MOCOS: variants seen among roughly 807,000 people sequenced by gnomAD.
MOCOS encodes the protein molybdenum cofactor sulfurase.
A neutral mutation model predicts 83.6 loss-of-function variants in MOCOS; 86 were observed. The ratio of observed to expected loss-of-function variants is 1.03; its 90% CI spans 0.86 to 1.23. The LOEUF is 1.23. Ranked by LOEUF, MOCOS falls within the 50% of genes most tolerant of loss-of-function variation. MOCOS has a pLI of 0.00. For synonymous variants in MOCOS, 445 were observed against 434.7 expected (o/e 1.02, Z -0.29); for missense variants, 1,120 against 1,126.9 (o/e 0.99, Z 0.09).
chr18:36,254,458 CTGTGTGTG>C (rs60813321), intron 11 of MOCOS, among the ~76,000 whole-genome samples: 4,356 of 138,942 alleles, frequency 0.031, 137 homozygotes, highest in East Asian at 0.11. Context: ...TACATTATCT[CTGTGTGTG>C]TGTGTGTGTG....
chr18:36,250,602 A>G (rs2091618342), intron 10 of MOCOS, among the ~76,000 whole-genome samples: 1 of 152,218 alleles, frequency 6.6e-6, no homozygotes, highest in Non-Finnish European at 1.5e-5. Flanking sequence ...AATGTCACCA[A>G]CTTACACATT....
At chr18:36,243,426 G>A (rs1378670182) in intron 9 of MOCOS, among the ~76,000 whole-genome samples, 2 of 152,112 alleles carry the variant, frequency 1.3e-5, no homozygotes, top group Non-Finnish European at 2.9e-5. Context: ...ATTGACTTGT[G>A]TAAGTTAAAC....
At chr18:36,224,919 A>G (rs1007824456) in intron 9 of MOCOS, among the ~76,000 whole-genome samples, 1 of 152,144 alleles carries the variant, frequency 6.6e-6, no homozygotes, top group African/African-American at 2.4e-5. Context: ...GTTTTTGATT[A>G]CTGATTCAAT....
intron 8 of MOCOS, 121 bp downstream of exon 8, chr18:36,216,098 A>G: frequency 9.3e-7 from 1 of 1,070,084 alleles, no homozygotes; most frequent in Non-Finnish European, 1.3e-6. Flanking sequence ...TGGTGAGAAA[A>G]GCCATTCTCA....
intron 9 of MOCOS, among the ~76,000 whole-genome samples, chr18:36,232,129 A>G (rs1171821955): frequency 6.6e-6 from 1 of 152,080 alleles, no homozygotes; most frequent in African/African-American, 2.4e-5. Context: ...ATGTGCCACC[A>G]CATCCAGCTA....
chr18:36,255,045 C>T (rs1265391991), intron 11 of MOCOS, among the ~76,000 whole-genome samples: 4 of 151,998 alleles, frequency 2.6e-5, no homozygotes, highest in Non-Finnish European at 4.4e-5. Flanking sequence ...TCGTAGTACA[C>T]AGTTGATCAA....
chr18:36,201,384 T>C (rs1327122461), intron 4 of MOCOS, among the ~76,000 whole-genome samples: 3 of 151,894 alleles, frequency 2.0e-5, no homozygotes, highest in Non-Finnish European at 4.4e-5. Context: ...TAATATTGGG[T>C]CGGGTGTGGT....
intron 9 of MOCOS, among the ~76,000 whole-genome samples, chr18:36,224,402 T>G (rs2091507875): frequency 1.3e-5 from 2 of 152,222 alleles, no homozygotes. Context: ...TTTTTCATCA[T>G]GGAGTATAAT....
chr18:36,197,388 G>A (rs905579597), intron 2 of MOCOS, among the ~76,000 whole-genome samples: 12 of 152,066 alleles, frequency 7.9e-5, no homozygotes, highest in Admixed American at 7.9e-4. Flanking sequence ...GCCTGCTTCT[G>A]AGCTGACTTC....
rs989639014 is a variant in MOCOS, at chr18:36,269,500, T to G, written c.*815T>G. The G allele has an allele frequency of 6.6e-6, 1 of 152,310 alleles. No individual in the cohort carries two copies. The allele number at this position is 152,310 out of a possible 1,614,324, so 9.4% of individuals were successfully genotyped here. On this transcript the variant is annotated 3_prime_UTR_variant, in exon 15 of 15. Coordinates refer to ENST00000261326, the MANE Select transcript of MOCOS (RefSeq NM_017947.4). Reference sequence around the variant, plus strand: ...TCCTGTCTGTATCATCTTTGACCACTGCTCCTGCAGCCTCCAGATGAAAAT... The same window carrying G: ...TCCTGTCTGTATCATCTTTGACCACGGCTCCTGCAGCCTCCAGATGAAAAT...
At chr18:36,240,427 G>C (rs2091577002) in intron 9 of MOCOS, among the ~76,000 whole-genome samples, 1 of 150,734 alleles carries the variant, frequency 6.6e-6, no homozygotes, top group African/African-American at 2.4e-5. Context: ...GCTGGGGGGT[G>C]CCTCCCAGTT....
chr18:36,201,410 T>G (rs1281544719), intron 4 of MOCOS, among the ~76,000 whole-genome samples: 1 of 152,076 alleles, frequency 6.6e-6, no homozygotes, highest in Non-Finnish European at 1.5e-5. Context: ...ACACCTGTAA[T>G]CCCAGCACTT....
chr18:36,191,300 C>T (rs2091365010), intron 1 of MOCOS, among the ~76,000 whole-genome samples: 1 of 152,206 alleles, frequency 6.6e-6, no homozygotes, highest in Non-Finnish European at 1.5e-5. Flanking sequence ...TTAGTGGTAT[C>T]AGATTCAAAA....
intron 11 of MOCOS, among the ~76,000 whole-genome samples, chr18:36,255,919 T>G (rs1205176648): frequency 6.6e-6 from 1 of 151,170 alleles, no homozygotes; most frequent in East Asian, 1.9e-4. Flanking sequence ...AGTTTTGCAG[T>G]TTCACTCTTA....
intron 9 of MOCOS, among the ~76,000 whole-genome samples, chr18:36,244,504 A>T (rs1019083978): frequency 6.6e-6 from 1 of 151,930 alleles, no homozygotes; most frequent in Non-Finnish European, 1.5e-5. Context: ...TCTAATTTCA[A>T]TTTTCTTAAA....
Position 36,215,819 on chromosome 18 carries a change from A to G in MOCOS, c.1639A>G (p.Thr547Ala). ...TGSRVWNNSS[T>A]VNAVPVAPPV... ...CTCCAGGGTTTGGAACAACTCGTCTACTGTGAATGCTGTGCCTGTGGCCCC... is the reference window on the plus strand; with the variant it reads ...CTCCAGGGTTTGGAACAACTCGTCTGCTGTGAATGCTGTGCCTGTGGCCCC... The change falls in exon 8 of 15, where the codon ACT becomes GCT. Residue 547 changes from threonine to alanine, a missense_variant. Coordinates refer to ENST00000261326, the MANE Select transcript of MOCOS (RefSeq NM_017947.4). The G allele has an allele frequency of 6.2e-7, 1 of 1,614,214 alleles. No homozygotes were observed. Among genetic ancestry groups the G allele is most frequent in the Non-Finnish European group, 8.5e-7 (1 of 1,180,040 alleles).
chr18:36,191,784 T>A (rs972096060), intron 1 of MOCOS, among the ~76,000 whole-genome samples: 1 of 152,218 alleles, frequency 6.6e-6, no homozygotes, highest in African/African-American at 2.4e-5. Flanking sequence ...GAGCCATATG[T>A]CTCACCACTT....
intron 14 of MOCOS, among the ~76,000 whole-genome samples, chr18:36,267,872 C>G (rs552543268): frequency 3.9e-5 from 6 of 152,264 alleles, no homozygotes; most frequent in African/African-American, 1.4e-4. Context: ...AGTGAGAGTG[C>G]AGAGGCTGCA....
Position 36,215,686 on chromosome 18 carries a change from T to A in MOCOS, c.1506T>A (p.His502Gln). Residue 502 changes from histidine to glutamine, a missense_variant, in exon 8 of 15, where the codon CAT becomes CAA. Physicochemically the swap from His to Gln is conservative, Grantham distance 24. Transcript: ENST00000261326. Reference protein sequence around the residue: ...SSGDWPVPQAHADTGETGAPS... With the variant: ...SSGDWPVPQAQADTGETGAPS... ...GGGACTGGCCTGTCCCTCAGGCCCATGCTGACACCGGGGAGACTGGAGCCC... is the reference window on the plus strand; with the variant it reads ...GGGACTGGCCTGTCCCTCAGGCCCAAGCTGACACCGGGGAGACTGGAGCCC... The A allele has an allele frequency of 6.2e-7, 1 of 1,614,174 alleles. No individual in the cohort carries two copies. The highest frequency in any genetic ancestry group is 2.2e-5 in the East Asian group (1 of 44,876).
Sources: allele counts gnomAD v4.1 joint callset (sites outside exome capture counted in the v4.1 genomes callset), GRCh38; gene constraint gnomAD v4.1.1; transcripts MANE v1.5; gene names NCBI Gene and HGNC (gene_info 2026-07-23, HGNC 2026-07-21).